The following TIE1 variants were observed in gnomAD, a reference collection of about 807,000 sequenced individuals.
TIE1 encodes tyrosine-protein kinase receptor Tie-1.
In TIE1, 89 loss-of-function variants were observed where a neutral mutation model predicts 130.5. The observed-to-expected ratio is 0.68, with a 90% CI of 0.57 to 0.81. The LOEUF is 0.81. TIE1 is among the 40% of genes least tolerant of loss of function. The probability of loss-of-function intolerance (pLI) is 0.00; values close to 1 mark genes in which losing one functional copy is unlikely to be tolerated. For missense variants in TIE1, 1,392 were observed against 1,559.8 expected (o/e 0.89, Z 1.81); for synonymous variants, 568 against 629.4 (o/e 0.90, Z 1.46).
chr1:43,307,636 C>A lies in TIE1; in HGVS notation c.913+64C>A. 6.2e-7 allele frequency: 1 copy of A among 1,610,536 alleles called. No homozygotes were observed. Among genetic ancestry groups the A allele is most frequent in the Non-Finnish European group, 8.5e-7 (1 of 1,177,474 alleles). ...GCTGGCCAGGAGCTTGACCCGGACCCTCCACTCTGCCTCTGACTTACGCAG... is the reference window on the plus strand; with the variant it reads ...GCTGGCCAGGAGCTTGACCCGGACCATCCACTCTGCCTCTGACTTACGCAG... On this transcript the variant is annotated intron_variant, in intron 6 of 22. Transcript: ENST00000372476. The surrounding 1 kb of genome is among the most constrained non-coding windows in gnomAD (Gnocchi z 5.4).
intron 9 of TIE1, among the ~76,000 whole-genome samples, chr1:43,311,416 G>C (rs1182018092): frequency 6.6e-6 from 1 of 151,964 alleles, no homozygotes; most frequent in Non-Finnish European, 1.5e-5. Flanking sequence ...TGGGAAGAGT[G>C]CACCCCCAAA....
Position 43,317,881 on chromosome 1 carries a change from G to C in TIE1, c.2732-1G>C. ...CCACTGTCTGTCTCTTTGCCTCTCAGGTTACTTGTATATCGCTATTGAATA... is the reference window on the plus strand; with the variant it reads ...CCACTGTCTGTCTCTTTGCCTCTCACGTTACTTGTATATCGCTATTGAATA... On this transcript the variant is annotated splice_acceptor_variant, in intron 16 of 22. Coordinates refer to ENST00000372476, the MANE Select transcript of TIE1 (RefSeq NM_005424.5). LOFTEE classifies it high-confidence loss of function. This position sits in a 1 kb window ranked among gnomAD's most constrained non-coding sequence, Gnocchi z 5.1. 6.2e-7 allele frequency: 1 copy of C among 1,613,846 alleles called. No individual in the cohort carries two copies.
rs975097545 is a variant in TIE1, at chr1:43,322,116, G to A, written c.3345+401G>A. On this transcript the variant is annotated intron_variant, in intron 22 of 22. Coordinates refer to ENST00000372476, the MANE Select transcript of TIE1 (RefSeq NM_005424.5). The surrounding 1 kb of genome is among the most constrained non-coding windows in gnomAD (Gnocchi z 4.0). ...TGGGTGAATGAGTGATACAGTAACC[G>A]TATGAATGAATGAATGGAATTAGTG... is the stretch of plus-strand genomic sequence containing the variant. Among the ~76,000 whole-genome samples, 4 of 152,122 alleles carry A rather than the reference G, an allele frequency of 2.6e-5. No individual in the cohort carries two copies. Among genetic ancestry groups the A allele is most frequent in the African/African-American group, 4.8e-5 (2 of 41,418 alleles).
intron 9 of TIE1, among the ~76,000 whole-genome samples, chr1:43,310,078 C>G (rs1646772990): frequency 6.6e-6 from 1 of 152,160 alleles, no homozygotes; most frequent in African/African-American, 2.4e-5. Context: ...TCCAGCTTCT[C>G]CAGCACCCTA....
intron 3 of TIE1, 82 bp downstream of exon 3, chr1:43,305,425 C>G (rs912966635): frequency 7.5e-7 from 1 of 1,334,980 alleles, no homozygotes; most frequent in Non-Finnish European, 1.0e-6. Flanking sequence ...ATGGGACCCT[C>G]AGCTTTGGCC....
In TIE1 at chr1:43,315,022, C is replaced by T. The variant is rs1646846073; in HGVS notation, c.2409+1054C>T. 1 of 152,434 alleles carries T rather than the reference C, an allele frequency of 6.6e-6. No individual in the cohort carries two copies. Among genetic ancestry groups the T allele is most frequent in the Non-Finnish European group, 1.5e-5 (1 of 68,210 alleles). The allele number at this position is 152,434 out of a possible 1,614,324, so 9.4% of individuals were successfully genotyped here. A position where few individuals can be genotyped will look rare whatever the true frequency, so the allele number is the denominator to read the frequency against. ...AAGCACAAACCTCCACTCCTCCTGG[C>T]TTCCCTGTAATCCTGCCCGAGTTGT... is the stretch of plus-strand genomic sequence containing the variant. On this transcript the variant is annotated intron_variant, in intron 14 of 22. Coordinates refer to ENST00000372476, the MANE Select transcript of TIE1 (RefSeq NM_005424.5). The surrounding 1 kb of genome is among the most constrained non-coding windows in gnomAD (Gnocchi z 4.4).
intron 14 of TIE1, 33 bp downstream of exon 14, chr1:43,314,001 T>C: frequency 6.2e-7 from 1 of 1,604,310 alleles, no homozygotes; most frequent in Non-Finnish European, 8.5e-7. Flanking sequence ...GGGTGCATGC[T>C]TGCAGCCCGT....
chr1:43,309,122 T>C lies in TIE1; in HGVS notation c.1179T>C (p.Thr393=). ...GSIELRKPDG[T]VLLSTKAIVE... ...TAGAGCTACGCAAGCCAGACGGCACTGTGCTCCTGGTCAGCCCCCAATCAC... is the reference window on the plus strand; with the variant it reads ...TAGAGCTACGCAAGCCAGACGGCACCGTGCTCCTGGTCAGCCCCCAATCAC... Residue 393 remains threonine, a synonymous_variant, in exon 8 of 23, where the codon ACT becomes ACC. Coordinates refer to ENST00000372476, the MANE Select transcript of TIE1 (RefSeq NM_005424.5). This position sits in a 1 kb window ranked among gnomAD's most constrained non-coding sequence, Gnocchi z 6.3. The C allele has an allele frequency of 2.5e-6, 4 of 1,596,196 alleles. No homozygotes were observed. Among genetic ancestry groups the C allele is most frequent in the Non-Finnish European group, 3.4e-6 (4 of 1,168,238 alleles).
intron 1 of TIE1, among the ~76,000 whole-genome samples, chr1:43,304,135 A>G (rs951406828): frequency 6.6e-6 from 1 of 152,188 alleles, no homozygotes; most frequent in Non-Finnish European, 1.5e-5. Flanking sequence ...GGGTCTTGCT[A>G]TGTTGCCCTG....
In TIE1 at chr1:43,307,246, G is replaced by A; in HGVS notation, c.745G>A (p.Gly249Ser). The part of the protein sequence containing the change: ...DHDGECVCPP[G>S]FTGTRCEQAC... ...TGACGGCGAATGTGTATGCCCCCCT[G>A]GCTTCACTGGCACCCGCTGTGAACA... is the stretch of plus-strand genomic sequence containing the variant. The change falls in exon 5 of 23, where the codon GGC becomes AGC. Residue 249 changes from glycine (G) to serine (S), a missense_variant. Gly to Ser is a moderately conservative substitution (Grantham distance 56). This residue lies in a region of TIE1 where 415 missense variants were observed against 424.8 expected (regional missense o/e 0.98). Transcript: ENST00000372476. This position sits in a 1 kb window ranked among gnomAD's most constrained non-coding sequence, Gnocchi z 5.4. The A allele has an allele frequency of 1.2e-6, 2 of 1,614,148 alleles. No homozygotes were observed. The highest frequency in any genetic ancestry group is 1.7e-6 in the Non-Finnish European group (2 of 1,180,014).
intron 7 of TIE1, 72 bp from the exon 8 acceptor site, chr1:43,308,914 G>T (rs565947974): frequency 6.2e-7 from 1 of 1,605,680 alleles, no homozygotes; most frequent in African/African-American, 1.3e-5. Context: ...AACAGAACAC[G>T]GATGAGGGGC....
At position 43,309,106 on chromosome 1, in the gene TIE1, G is replaced by A. The variant is rs948966306; in HGVS notation, c.1163G>A (p.Arg388His). The part of the protein sequence containing the change: ...PFPVRGSIEL[R>H]KPDGTVLLST... ...CCCGTGCGGGGCAGCATAGAGCTAC[G>A]CAAGCCAGACGGCACTGTGCTCCTG... Residue 388 changes from arginine (R) to histidine (H), a missense_variant, in exon 8 of 23, where the codon CGC becomes CAC. Arg to His is a conservative substitution (Grantham distance 29, BLOSUM62 0). Coordinates refer to ENST00000372476, the MANE Select transcript of TIE1 (RefSeq NM_005424.5). This position sits in a 1 kb window ranked among gnomAD's most constrained non-coding sequence, Gnocchi z 6.3. 1.2e-5 allele frequency: 20 copies of A among 1,608,308 alleles called. No homozygotes were observed. Among genetic ancestry groups the A allele is most frequent in the South Asian group, 5.5e-5 (5 of 90,480 alleles).
Position 43,322,804 on chromosome 1 carries a change from C to T in TIE1, c.*82C>T, listed in dbSNP as rs1312392069. The T allele has an allele frequency of 1.5e-6, 2 of 1,365,036 alleles. No homozygotes were observed. Among genetic ancestry groups the T allele is most frequent in the African/African-American group, 1.4e-5 (1 of 69,996 alleles). 84.6% of individuals were successfully genotyped at this position (1,365,036 alleles called of 1,614,324 possible). A position where few individuals can be genotyped will look rare whatever the true frequency, so the allele number is the denominator to read the frequency against. ...CTGTGACCAGTCTGACCCTTACAGCCTCTGACTTAAGCTGCCTCAAGGAAT... is the reference window on the plus strand; with the variant it reads ...CTGTGACCAGTCTGACCCTTACAGCTTCTGACTTAAGCTGCCTCAAGGAAT... On this transcript the variant is annotated 3_prime_UTR_variant, in exon 23 of 23. Transcript: ENST00000372476. The surrounding 1 kb of genome is among the most constrained non-coding windows in gnomAD (Gnocchi z 4.0).
At position 43,305,157 on chromosome 1, in the gene TIE1, G is replaced by T. The variant is rs908381862; in HGVS notation, c.365G>T (p.Ser122Ile). Residue 122 changes from serine to isoleucine, a missense_variant, in exon 2 of 23, where the codon AGC becomes ATC. By Grantham distance (142) the Ser-to-Ile change is moderately radical (BLOSUM62 -2). Around this residue, in one of 6 missense-constraint regions of TIE1, gnomAD observed 415 missense variants for 424.8 expected, o/e 0.98. Coordinates refer to ENST00000372476, the MANE Select transcript of TIE1 (RefSeq NM_005424.5). Reference sequence around the variant, plus strand: ...ACGCGCGTCATCTACGTGCACAACAGCCCTGGAGGTGAGTTAGGCAGGCGG... The same window carrying T: ...ACGCGCGTCATCTACGTGCACAACATCCCTGGAGGTGAGTTAGGCAGGCGG... ...RRTRVIYVHN[S>I]PGAHLLPDKV... 2.5e-6 allele frequency: 4 copies of T among 1,613,934 alleles called. No homozygotes were observed. The African/African-American group carries it at 5.3e-5, about 22-fold the overall frequency.
At chr1:43,308,844 G>T (rs374167101) in intron 7 of TIE1, 142 bp from the exon 8 acceptor site, 8 of 1,100,706 alleles carry the variant, frequency 7.3e-6, no homozygotes, top group Admixed American at 1.9e-5. Context: ...CGCTGGAGGA[G>T]TCATGCGGGC....
Position 43,304,902 on chromosome 1 carries a change from A to G in TIE1, c.110A>G (p.Gln37Arg). The change falls in exon 2 of 23, where the codon CAG becomes CGG. Residue 37 changes from glutamine to arginine, a missense_variant. Around this residue, in one of 6 missense-constraint regions of TIE1, gnomAD observed 415 missense variants for 424.8 expected, o/e 0.98. Coordinates refer to ENST00000372476, the MANE Select transcript of TIE1 (RefSeq NM_005424.5). ...LLANLRLTDP[Q>R]RFFLTCVSGE... ...GCCAACCTGCGGCTCACGGACCCCC[A>G]GCGCTTCTTCCTGACTTGCGTGTCT... is the stretch of plus-strand genomic sequence containing the variant. The G allele has an allele frequency of 3.5e-6, 5 of 1,433,170 alleles. No homozygotes were observed. Among genetic ancestry groups the G allele is most frequent in the Non-Finnish European group, 4.5e-6 (5 of 1,099,446 alleles). 88.8% of individuals were successfully genotyped at this position (1,433,170 alleles called of 1,614,324 possible).
Position 43,322,900 on chromosome 1 carries a change from T to TA in TIE1, c.*178_*179insA. The TA allele has an allele frequency of 1.7e-6, 1 of 593,492 alleles. No individual in the cohort carries two copies. Among genetic ancestry groups the TA allele is most frequent in the African/African-American group, 1.9e-5 (1 of 53,802 alleles). 36.8% of individuals were successfully genotyped at this position (593,492 alleles called of 1,614,324 possible). On this transcript the variant is annotated 3_prime_UTR_variant, in exon 23 of 23. Transcript: ENST00000372476. The surrounding 1 kb of genome is among the most constrained non-coding windows in gnomAD (Gnocchi z 4.0). Reference sequence around the variant, plus strand: ...GCTTAGGGGAACTGGGTTCCCATGCTTTGTAGGTGTCTCATAGCTATCCTG... The same window carrying TA: ...GCTTAGGGGAACTGGGTTCCCATGCTATTGTAGGTGTCTCATAGCTATCCTG...
rs948719231 is a variant in TIE1, at chr1:43,321,647, C to T, written c.3277C>T (p.Arg1093Cys). 34 of 1,553,414 alleles carry T rather than the reference C, an allele frequency of 2.2e-5. No individual in the cohort carries two copies. The highest frequency in any genetic ancestry group is 5.9e-5 in the Admixed American group (3 of 51,128). The change falls in exon 22 of 23, where the codon CGT becomes TGT. Residue 1093 changes from arginine to cysteine, a missense_variant. This residue lies in a region of TIE1 where 104 missense variants were observed against 129.3 expected (regional missense o/e 0.80). Coordinates refer to ENST00000372476, the MANE Select transcript of TIE1 (RefSeq NM_005424.5). ...GCTGATGCGTCAGTGCTGGCGGGAC[C>T]GTCCCTATGAGCGACCCCCCTTTGC... ...YELMRQCWRD[R>C]PYERPPFAQI...
intron 19 of TIE1, among the ~76,000 whole-genome samples, chr1:43,321,032 CA>C (rs752698629): frequency 0.31 from 30,000 of 95,522 alleles, 3,727 homozygotes; most frequent in Middle Eastern, 0.41. Context: ...GACCCTGTCT[CA>C]AAAAAAAAAA....
Sources: allele counts gnomAD v4.1 joint callset (sites outside exome capture counted in the v4.1 genomes callset), GRCh38; gene constraint gnomAD v4.1.1; regional missense constraint gnomAD v4.1.1; non-coding constraint Gnocchi (gnomAD v3.1); transcripts MANE v1.5; gene names NCBI Gene and HGNC (gene_info 2026-07-23, HGNC 2026-07-21).